Variants in MED12L observed in about 807,000 individuals in gnomAD.
MED12L encodes the protein mediator complex subunit 12L, also known as mediator of RNA polymerase II transcription subunit 12-like protein.
MED12L carries 60 observed loss-of-function variants against 281.3 expected under a neutral mutation model. The ratio of observed to expected loss-of-function variants is 0.21; its 90% CI spans 0.17 to 0.26. MED12L has a LOEUF of 0.26. MED12L is among the 10% of genes least tolerant of loss of function. The pLI is 1.00. For synonymous variants in MED12L, 974 were observed against 987.2 expected (o/e 0.99, Z 0.25); for missense variants, 2,146 against 2,680.9 (o/e 0.80, Z 4.41).
Position 151,389,535 on chromosome 3 carries a change from G to A in MED12L, c.5452-444G>A, listed in dbSNP as rs78144841. 8.2e-3 allele frequency among the ~76,000 whole-genome samples: 1,246 copies of A among 152,318 alleles called. 14 individuals carry two copies. Among genetic ancestry groups the A allele is most frequent in the African/African-American group, 0.029 (1,192 of 41,560 alleles). Reference sequence around the variant, plus strand: ...TAGAACGATGTCTGGAAAATTGCAAGTGAAATACCATCTTGGCCAAAGAGT... The same window carrying A: ...TAGAACGATGTCTGGAAAATTGCAAATGAAATACCATCTTGGCCAAAGAGT... On this transcript the variant is annotated intron_variant, in intron 37 of 44. Transcript: ENST00000687756.
At chr3:151,173,950 G>A (rs1486452951) in intron 11 of MED12L, among the ~76,000 whole-genome samples, 1 of 152,178 alleles carries the variant, frequency 6.6e-6, no homozygotes, top group Admixed American at 6.5e-5. Flanking sequence ...TTTTTGTACA[G>A]TGATGAATTT....
chr3:151,428,855 T>G (rs775021578), intron 43 of MED12L, among the ~76,000 whole-genome samples: 18 of 152,194 alleles, frequency 1.2e-4, no homozygotes, highest in Non-Finnish European at 2.2e-4. Flanking sequence ...TGTGCAATAT[T>G]TGGGACATGC....
chr3:151,178,878 C>G (rs1019856526), intron 11 of MED12L, among the ~76,000 whole-genome samples: 1 of 152,130 alleles, frequency 6.6e-6, no homozygotes, highest in African/African-American at 2.4e-5. Context: ...AAACCCATAA[C>G]TTAATCTGCA....
rs1720067278 is a variant in MED12L, at chr3:151,435,616, T to TATA, written c.*2815_*2817dup. The TATA allele has an allele frequency of 1.6e-5, 1 of 62,192 alleles. No individual in the cohort carries two copies. 3.9% of individuals were successfully genotyped at this position (62,192 alleles called of 1,614,324 possible). On this transcript the variant is annotated 3_prime_UTR_variant, in exon 45 of 45. Coordinates refer to ENST00000687756, the MANE Select transcript of MED12L (RefSeq NM_001393769.1). ...ATTTTTTTCCCATTTATAAAGCTCC[T>TATA]ATAATTCTTAAGTAAGTACTAGGTG... is the stretch of plus-strand genomic sequence containing the variant.
intron 16 of MED12L, among the ~76,000 whole-genome samples, chr3:151,226,073 G>T (rs974328266): frequency 6.6e-6 from 1 of 152,188 alleles, no homozygotes; most frequent in African/African-American, 2.4e-5. Flanking sequence ...GAAGATTCCA[G>T]TCTAGGGGGA....
At chr3:151,293,207 T>TA in intron 16 of MED12L, among the ~76,000 whole-genome samples, 1 of 152,348 alleles carries the variant, frequency 6.6e-6, no homozygotes, top group African/African-American at 2.4e-5. Context: ...TGAGCTAAGT[T>TA]ATTCTTGTGC....
intron 16 of MED12L, chr3:151,327,948 G>A (rs375255769): frequency 8.0e-5 from 106 of 1,327,202 alleles, no homozygotes; most frequent in South Asian, 3.9e-4. Flanking sequence ...CATTATCTAC[G>A]GAAGTCTCAT....
Position 151,156,472 on chromosome 3 carries a change from G to A in MED12L, c.726+142G>A, listed in dbSNP as rs762309006. ...AAAGCAGTCTGACATTTCTCACATCGAATTGTATTCAGGGTGACACATCTG... is the reference window on the plus strand; with the variant it reads ...AAAGCAGTCTGACATTTCTCACATCAAATTGTATTCAGGGTGACACATCTG... On this transcript the variant is annotated intron_variant, in intron 6 of 44. Transcript: ENST00000687756. The A allele has an allele frequency of 9.4e-5, 70 of 747,610 alleles. 1 individual carries two copies. Among genetic ancestry groups the A allele is most frequent in the Middle Eastern group, 5.2e-4 (2 of 3,870 alleles). The allele number at this position is 747,610 out of a possible 1,614,324, so 46.3% of individuals were successfully genotyped here.
At chr3:151,395,056 C>T (rs1714785240) in intron 39 of MED12L, among the ~76,000 whole-genome samples, 189 bp downstream of exon 39, 2 of 152,134 alleles carry the variant, frequency 1.3e-5, no homozygotes, top group South Asian at 4.1e-4. Flanking sequence ...TATCATTGCT[C>T]AAATAAGAAT....
intron 7 of MED12L, among the ~76,000 whole-genome samples, chr3:151,159,372 C>A (rs1286649912): frequency 1.3e-5 from 2 of 152,184 alleles, no homozygotes; most frequent in Non-Finnish European, 2.9e-5. Flanking sequence ...ACAGACTATA[C>A]CATAGGTTCC....
intron 43 of MED12L, 142 bp downstream of exon 43, chr3:151,416,564 A>C: frequency 1.3e-6 from 1 of 753,710 alleles, no homozygotes; most frequent in African/African-American, 1.7e-5. Flanking sequence ...CTAGAGTTTT[A>C]TTGTCATTGT....
rs1720044932 is a variant in MED12L at position 151,435,485 on chromosome 3, G to GTGA, written c.*2685_*2687dup. The GTGA allele has an allele frequency of 6.6e-6, 1 of 152,258 alleles. No individual in the cohort carries two copies. Among genetic ancestry groups the GTGA allele is most frequent in the African/African-American group, 2.4e-5 (1 of 41,538 alleles). The allele number at this position is 152,258 out of a possible 1,614,324, so 9.4% of individuals were successfully genotyped here. ...GAGATGGGGCTAACTGAAAGTCAGT[G>GTGA]TGATGAAAACCCAAGGGCGCTATTC... On this transcript the variant is annotated 3_prime_UTR_variant, in exon 45 of 45. Transcript: ENST00000687756.
intron 5 of MED12L, among the ~76,000 whole-genome samples, chr3:151,130,245 A>G (rs1343545806): frequency 6.6e-6 from 1 of 151,926 alleles, no homozygotes; most frequent in Non-Finnish European, 1.5e-5. Context: ...ATTTCTTCTT[A>G]GTAAATGTTA....
chr3:151,180,070 T>C (rs1294542850), intron 11 of MED12L, among the ~76,000 whole-genome samples: 1 of 152,226 alleles, frequency 6.6e-6, no homozygotes, highest in African/African-American at 2.4e-5. Context: ...TGGTTAAATA[T>C]AAGATTTTGA....
chr3:151,382,857 C>A, intron 33 of MED12L, 112 bp downstream of exon 33: 1 of 741,496 alleles, frequency 1.3e-6, no homozygotes, highest in Non-Finnish European at 2.2e-6. Context: ...TGAGGCCTTC[C>A]ACTCTTTGCT....
rs188184938 is a variant in MED12L, at chr3:151,123,297, A to T, written c.396+323A>T. On this transcript the variant is annotated intron_variant, in intron 4 of 44. Coordinates refer to ENST00000687756, the MANE Select transcript of MED12L (RefSeq NM_001393769.1). The stretch of plus-strand genomic sequence containing the variant: ...ACATTTCCAGTTTTCTTAGGCCAAG[A>T]TGTCCAAGATTTGTTAAAAAGATTC... 1.7e-4 allele frequency among the ~76,000 whole-genome samples: 26 copies of T among 152,330 alleles called. No homozygotes were observed. In the East Asian group the frequency reaches 4.8e-3, roughly 28 times the overall value.
chr3:151,272,626 A>G (rs1357677312), intron 16 of MED12L, among the ~76,000 whole-genome samples: 1 of 152,238 alleles, frequency 6.6e-6, no homozygotes, highest in East Asian at 1.9e-4. Context: ...TGCCCCAAGT[A>G]TAAAATATTG....
At chr3:151,156,427 A>G (rs1719293752) in intron 6 of MED12L, 97 bp downstream of exon 6, 5 of 1,160,108 alleles carry the variant, frequency 4.3e-6, no homozygotes, top group Admixed American at 2.6e-5. Context: ...CCTATTTTAC[A>G]TGAACCAATA....
chr3:151,377,487 TATTA>T (rs1308946705), intron 30 of MED12L, among the ~76,000 whole-genome samples: 6 of 152,348 alleles, frequency 3.9e-5, no homozygotes, highest in South Asian at 4.1e-4. Context: ...CCACCATTTT[TATTA>T]ATTAATTATT....
Sources: gnomAD v4.1 joint callset for allele counts (sites outside exome capture counted in the v4.1 genomes callset) on GRCh38, gnomAD v4.1.1 for gene constraint, MANE v1.5 for transcripts, NCBI Gene and HGNC (gene_info 2026-07-23, HGNC 2026-07-21) for gene names.